The following OTUD7A variants were observed in gnomAD, a reference collection of about 807,000 sequenced individuals.
The protein encoded by OTUD7A is OTU deubiquitinase 7A, also known as OTU domain-containing protein 7A.
OTUD7A carries 12 observed loss-of-function variants against 65.7 expected under a neutral mutation model. The observed-to-expected ratio is 0.18, with a 90% CI of 0.12 to 0.30. The LOEUF (loss-of-function observed/expected upper bound fraction) is 0.30. OTUD7A is among the 10% of genes least tolerant of loss of function. OTUD7A has a pLI of 1.00. For missense variants in OTUD7A, 1,148 were observed against 1,304.8 expected, an observed-to-expected ratio of 0.88 and a Z score of 1.85; for synonymous variants, 641 against 586.3, an observed-to-expected ratio of 1.09 and a Z score of -1.35.
rs200409474 is a variant in OTUD7A, at chr15:31,631,119, G to A, written c.151+23977C>T. Among the ~76,000 whole-genome samples, 16 of 152,226 alleles carry A rather than the reference G, an allele frequency of 1.1e-4. No individual in the cohort carries two copies. The East Asian group carries it at 3.1e-3, about 29-fold the overall frequency. On this transcript the variant is annotated intron_variant, in intron 3 of 12. Coordinates refer to ENST00000307050, the MANE Select transcript of OTUD7A (RefSeq NM_001382637.1). ...GTTAATATTGTTATGTGTGTATTTG[G>A]TCCTGTCATTATGATGTTAGCTGGT...
At chr15:31,778,005 G>T (rs1895433008) in intron 1 of OTUD7A, among the ~76,000 whole-genome samples, 1 of 152,166 alleles carries the variant, frequency 6.6e-6, no homozygotes, top group Non-Finnish European at 1.5e-5. Flanking sequence ...CACGGTTCTG[G>T]TGGCCGGCCA....
At chr15:31,741,794 CA>C (rs1380310205) in intron 1 of OTUD7A, among the ~76,000 whole-genome samples, 1 of 151,482 alleles carries the variant, frequency 6.6e-6, no homozygotes, top group Non-Finnish European at 1.5e-5. Flanking sequence ...GCAAAATAAA[CA>C]CAAAAAAAAT....
intron 1 of OTUD7A, among the ~76,000 whole-genome samples, chr15:31,832,489 T>C (rs2140984793): frequency 6.6e-6 from 1 of 152,344 alleles, no homozygotes; most frequent in South Asian, 2.1e-4. Flanking sequence ...ATCTGCAACA[T>C]TTTTAAGTGT....
chr15:31,521,445 A>C (rs939330680), intron 8 of OTUD7A, among the ~76,000 whole-genome samples: 1 of 152,134 alleles, frequency 6.6e-6, no homozygotes, highest in African/African-American at 2.4e-5. Flanking sequence ...CTGCAAAGTG[A>C]GGACACCTTA....
At chr15:31,588,324 T>C (rs956785813) in intron 3 of OTUD7A, among the ~76,000 whole-genome samples, 29 of 152,232 alleles carry the variant, frequency 1.9e-4, no homozygotes, top group African/African-American at 6.8e-4. Flanking sequence ...CTTGCAATAC[T>C]AAGCAACATA....
At chr15:31,750,413 A>AAAG (rs1487218754) in intron 1 of OTUD7A, among the ~76,000 whole-genome samples, 8 of 151,564 alleles carry the variant, frequency 5.3e-5, no homozygotes, top group African/African-American at 1.9e-4. Context: ...CAAAAAAAAA[A>AAAG]AAAAAAAAAG....
At chr15:31,815,759 G>C (rs28737454) in intron 1 of OTUD7A, among the ~76,000 whole-genome samples, 1 of 152,238 alleles carries the variant, frequency 6.6e-6, no homozygotes, top group Non-Finnish European at 1.5e-5. Context: ...TCCCACGGGG[G>C]TTGTTTTGAA....
intron 1 of OTUD7A, among the ~76,000 whole-genome samples, chr15:31,779,489 C>T (rs530621794): frequency 7.2e-5 from 11 of 152,180 alleles, no homozygotes; most frequent in Non-Finnish European, 1.5e-4. Context: ...ATATAAACAG[C>T]ATTTGCTTTA....
intron 1 of OTUD7A, among the ~76,000 whole-genome samples, chr15:31,684,436 A>G (rs566479048): frequency 6.6e-6 from 1 of 152,298 alleles, no homozygotes; most frequent in Non-Finnish European, 1.5e-5. Context: ...ACACATATTC[A>G]TAATCTCACC....
intron 3 of OTUD7A, among the ~76,000 whole-genome samples, chr15:31,615,594 C>T (rs914301346): frequency 1.3e-5 from 2 of 152,176 alleles, no homozygotes; most frequent in African/African-American, 4.8e-5. Flanking sequence ...AAATACGATC[C>T]AATTAACATA....
intron 1 of OTUD7A, among the ~76,000 whole-genome samples, chr15:31,717,179 C>A (rs1893611965): frequency 6.6e-6 from 1 of 152,144 alleles, no homozygotes; most frequent in East Asian, 1.9e-4. Context: ...ATTTCGTTTT[C>A]ATGTTTCTAA....
chr15:31,772,610 C>G (rs1328942748), intron 1 of OTUD7A, among the ~76,000 whole-genome samples: 5 of 152,212 alleles, frequency 3.3e-5, no homozygotes, highest in Non-Finnish European at 5.9e-5. Context: ...CTGGGACTGA[C>G]AGCCATACAC....
rs113759778 is a variant in OTUD7A at position 31,734,123 on chromosome 15, G to A, written c.-99-77046C>T. On this transcript the variant is annotated intron_variant, in intron 1 of 12. Transcript: ENST00000307050. Reference sequence around the variant, plus strand: ...AACACACCAACAACAGTCAAGCCAAGAGCTAAATCAGGAATGTACTCCCAT... The same window carrying A: ...AACACACCAACAACAGTCAAGCCAAAAGCTAAATCAGGAATGTACTCCCAT... Among the ~76,000 whole-genome samples, 756 of 152,214 alleles carry A rather than the reference G, an allele frequency of 5.0e-3. 3 individuals are homozygous for A. Among genetic ancestry groups the A allele is most frequent in the African/African-American group, 0.017 (726 of 41,532 alleles).
chr15:31,526,224 A>T (rs529361418), intron 8 of OTUD7A, 125 bp downstream of exon 8: 2 of 1,035,000 alleles, frequency 1.9e-6, no homozygotes, highest in African/African-American at 3.2e-5. Context: ...GAAAGCTGGA[A>T]TCTTTCTGTC....
chr15:31,659,085 T>A (rs570463773), intron 1 of OTUD7A, among the ~76,000 whole-genome samples: 7 of 140,920 alleles, frequency 5.0e-5, no homozygotes, highest in African/African-American at 2.2e-4. Flanking sequence ...ATAAATAAAA[T>A]AAAATTAAAA....
intron 1 of OTUD7A, among the ~76,000 whole-genome samples, chr15:31,828,040 G>A (rs1896840527): frequency 6.6e-6 from 1 of 152,030 alleles, no homozygotes; most frequent in Non-Finnish European, 1.5e-5. Flanking sequence ...CCTATTTTGT[G>A]GCTTCCTGGT....
intron 1 of OTUD7A, among the ~76,000 whole-genome samples, chr15:31,855,766 T>C (rs139254128): frequency 6.6e-6 from 1 of 152,360 alleles, no homozygotes; most frequent in African/African-American, 2.4e-5. Context: ...AGTGAGCAGA[T>C]GCCAACCCTA....
chr15:31,534,039 A>G (rs1417140325), intron 5 of OTUD7A, among the ~76,000 whole-genome samples: 1 of 152,248 alleles, frequency 6.6e-6, no homozygotes, highest in East Asian at 1.9e-4. Flanking sequence ...ACCAAGAGGT[A>G]TACCTAACAA....
chr15:31,720,353 G>C (rs146931292), intron 1 of OTUD7A, among the ~76,000 whole-genome samples: 10,720 of 151,228 alleles, frequency 0.071, 425 homozygotes, highest in Middle Eastern at 0.077. Flanking sequence ...AAATTCTCAT[G>C]ACCTAGTGAC....
Sources: gnomAD v4.1 joint callset for allele counts (sites outside exome capture counted in the v4.1 genomes callset) on GRCh38, gnomAD v4.1.1 for gene constraint, MANE v1.5 for transcripts, NCBI Gene and HGNC (gene_info 2026-07-23, HGNC 2026-07-21) for gene names.